Variants in BRCA1 observed in about 807,000 individuals in gnomAD.
BRCA1 encodes the protein breast cancer type 1 susceptibility protein.
In BRCA1, 140 loss-of-function variants were observed where a neutral mutation model predicts 173.7. That is an observed-to-expected ratio of 0.81 (90% confidence interval 0.70 to 0.93). BRCA1 has a LOEUF of 0.93. BRCA1 is among the 40% of genes least tolerant of loss of function. BRCA1 has a pLI of 0.00. For synonymous variants in BRCA1, 662 were observed against 756.0 expected (o/e 0.88, Z 2.04); for missense variants, 1,983 against 2,172.5 (o/e 0.91, Z 1.73).
intron 6 of BRCA1, among the ~76,000 whole-genome samples, chr17:43,100,633 T>TATAC (rs2054384444): frequency 3.8e-4 from 20 of 52,286 alleles, no homozygotes; most frequent in South Asian, 1.3e-3. Flanking sequence ...ATATATATGT[T>TATAC]ATATATATAT....
chr17:43,133,529 T>C (rs543747156), intron 1 of BRCA1, among the ~76,000 whole-genome samples: 141 of 152,296 alleles, frequency 9.3e-4, no homozygotes, highest in African/African-American at 3.3e-3. Flanking sequence ...ATGTGAACTG[T>C]CCTTGCAAAT....
intron 5 of BRCA1, 113 bp downstream of exon 5, chr17:43,104,755 A>G: frequency 1.1e-6 from 1 of 950,322 alleles, no homozygotes; most frequent in Non-Finnish European, 1.7e-6. Flanking sequence ...ACAGAACTAA[A>G]ATTAACCTAG....
chr17:43,124,934 C>A, intron 1 of BRCA1: 1 of 316,818 alleles, frequency 3.2e-6, no homozygotes, highest in East Asian at 9.0e-5. Flanking sequence ...TTAGTAGAGA[C>A]GGAGTTTCAC....
rs80357396 is a variant in BRCA1, at chr17:43,094,815, T to A, written c.716A>T (p.His239Leu). The A allele has an allele frequency of 1.2e-6, 2 of 1,613,714 alleles. No individual in the cohort carries two copies. Among genetic ancestry groups the A allele is most frequent in the Non-Finnish European group, 1.7e-6 (2 of 1,179,908 alleles). The change falls in exon 10 of 23, where the codon CAT becomes CTT. Residue 239 changes from histidine to leucine, a missense_variant. Physicochemically the swap from His to Leu is moderately conservative, Grantham distance 99. Transcript: ENST00000357654. The part of the protein sequence containing the change: ...SETDVTNTEH[H>L]QPSNNDLNTT... ...GTTCAAATCATTATTACTGGGTTGA[T>A]GATGTTCAGTATTTGTTACATCCGT...
intron 10 of BRCA1, 72 bp from the exon 11 acceptor site, chr17:43,091,104 T>C (rs2154260681): frequency 7.3e-7 from 1 of 1,364,026 alleles, no homozygotes; most frequent in Non-Finnish European, 1.0e-6. Context: ...TGTCTTTTTC[T>C]TCTCATTGGC....
At chr17:43,168,767 A>AT (rs2056287773) in intron 1 of BRCA1, among the ~76,000 whole-genome samples, 1 of 152,178 alleles carries the variant, frequency 6.6e-6, no homozygotes, top group South Asian at 2.1e-4. Context: ...TTTTTCACAT[A>AT]TTGCTTCCAA....
rs573753443 is a variant in BRCA1 at position 43,088,875 on chromosome 17, A to G, written c.4185+2069T>C. 2.4e-3 allele frequency among the ~76,000 whole-genome samples: 367 copies of G among 152,342 alleles called. 3 individuals are homozygous for G. The highest frequency in any genetic ancestry group is 8.3e-3 in the African/African-American group (344 of 41,582). On this transcript the variant is annotated intron_variant, in intron 11 of 22. Coordinates refer to ENST00000357654, the MANE Select transcript of BRCA1 (RefSeq NM_007294.4). ...ACTGCTGTGTGTGTATTCTGCATAGAACCCTGTGCTGGGAATACAAAGAAC... is the reference window on the plus strand; with the variant it reads ...ACTGCTGTGTGTGTATTCTGCATAGGACCCTGTGCTGGGAATACAAAGAAC...
At chr17:43,118,258 T>G (rs2055385652) in intron 2 of BRCA1, among the ~76,000 whole-genome samples, 1 of 152,144 alleles carries the variant, frequency 6.6e-6, no homozygotes, top group South Asian at 2.1e-4. Flanking sequence ...TAGGTCAAGG[T>G]GCTAAAATGT....
intron 2 of BRCA1, among the ~76,000 whole-genome samples, chr17:43,119,762 G>T (rs954033557): frequency 1.3e-5 from 2 of 152,100 alleles, no homozygotes; most frequent in African/African-American, 4.8e-5. Context: ...AGAAAAATTG[G>T]ATTCAGTTAT....
At position 43,045,252 on chromosome 17, in the gene BRCA1, TCTGC is replaced by T. The variant is rs1347811641; in HGVS notation, c.*422_*425del. 1 of 542,150 alleles carries T rather than the reference TCTGC, an allele frequency of 1.8e-6. No individual in the cohort carries two copies. The highest frequency in any genetic ancestry group is 3.8e-5 in the East Asian group (1 of 26,056). 33.6% of individuals were successfully genotyped at this position (542,150 alleles called of 1,614,324 possible). A position where few individuals can be genotyped will look rare whatever the true frequency, so the allele number is the denominator to read the frequency against. ...CTCCTTCCATTGAAGGGTCTGACTC[TCTGC>T]CTTTGTGAACACAGGGTTTTAGAGA... On this transcript the variant is annotated 3_prime_UTR_variant, in exon 23 of 23. Coordinates refer to ENST00000357654, the MANE Select transcript of BRCA1 (RefSeq NM_007294.4).
Position 43,046,002 on chromosome 17 carries a change from A to G in BRCA1, c.5468-200T>C, listed in dbSNP as rs148141374. On this transcript the variant is annotated intron_variant, in intron 22 of 22. Transcript: ENST00000357654. ...TGATGGCGCAATCTCGGCTCATTCA[A>G]CCTCCGCCTCCTGGGTTCAAGCAAT... is the stretch of plus-strand genomic sequence containing the variant. Among the ~76,000 whole-genome samples, 8 of 150,134 alleles carry G rather than the reference A, an allele frequency of 5.3e-5. No individual in the cohort carries two copies. In the East Asian group the frequency reaches 1.6e-3, roughly 30 times the overall value.
intron 1 of BRCA1, chr17:43,138,673 A>C: frequency 1.3e-6 from 1 of 778,926 alleles, no homozygotes; most frequent in Admixed American, 1.7e-5. Flanking sequence ...GAAGCCCAGG[A>C]AGCACACATC....
rs786202620 is a variant in BRCA1, at chr17:43,104,222, G to A, written c.341C>T (p.Ser114Phe). 6.2e-7 allele frequency: 1 copy of A among 1,612,772 alleles called. No individual in the cohort carries two copies. Among genetic ancestry groups the A allele is most frequent in the East Asian group, 2.2e-5 (1 of 44,858 alleles). Residue 114 changes from serine to phenylalanine, a missense_variant, in exon 6 of 23, where the codon TCT becomes TTT. By Grantham distance (155) the Ser-to-Phe change is radical (BLOSUM62 -2). Transcript: ENST00000357654. ...SYNFAKKENN[S>F]PEHLKDEVSI... ...AACTTCATCTTTTAGATGTTCAGGAGAGTTATTTTCCTTTTTTGCAAAATT... is the reference window on the plus strand; with the variant it reads ...AACTTCATCTTTTAGATGTTCAGGAAAGTTATTTTCCTTTTTTGCAAAATT...
chr17:43,166,391 T>A (rs1567837289), intron 1 of BRCA1: 1 of 152,224 alleles, frequency 6.6e-6, no homozygotes, highest in Non-Finnish European at 1.5e-5. Flanking sequence ...CTGGGTTCCT[T>A]GGCTTATAGG....
chr17:43,045,280 G>A lies in BRCA1; in HGVS notation c.*398C>T, dbSNP rs1317149415. The A allele has an allele frequency of 1.8e-6, 1 of 546,496 alleles. No homozygotes were observed. The highest frequency in any genetic ancestry group is 3.5e-6 in the Non-Finnish European group (1 of 285,016). The allele number at this position is 546,496 out of a possible 1,614,324, so 33.9% of individuals were successfully genotyped here. A position where few individuals can be genotyped will look rare whatever the true frequency, so the allele number is the denominator to read the frequency against. ...GCCTTTGTGAACACAGGGTTTTAGA[G>A]AAGTAAACTTAGGGAAACCAGCTAT... On this transcript the variant is annotated 3_prime_UTR_variant, in exon 23 of 23. Transcript: ENST00000357654.
intron 3 of BRCA1, among the ~76,000 whole-genome samples, chr17:43,112,209 C>T (rs1597907322): frequency 1.3e-5 from 2 of 152,020 alleles, no homozygotes; most frequent in African/African-American, 4.8e-5. Flanking sequence ...TCTGCCTCAG[C>T]CTCCTGAGTA....
At chr17:43,123,163 T>C (rs1567822510) in intron 2 of BRCA1, among the ~76,000 whole-genome samples, 1 of 151,726 alleles carries the variant, frequency 6.6e-6, no homozygotes, top group Admixed American at 6.6e-5. Context: ...CCTGACGAGG[T>C]TGAGGCTGCA....
In BRCA1 at chr17:43,044,750, G is replaced by GA; in HGVS notation, c.*927dup. 1 of 491,808 alleles carries GA rather than the reference G, an allele frequency of 2.0e-6. No homozygotes were observed. The highest frequency in any genetic ancestry group is 1.6e-5 in the South Asian group (1 of 63,902). 30.5% of individuals were successfully genotyped at this position (491,808 alleles called of 1,614,324 possible). ...CTGCTGTTTTAGAACACATTCTTTAGAAATCTAGCAAATATATCTCAGACT... is the reference window on the plus strand; with the variant it reads ...CTGCTGTTTTAGAACACATTCTTTAGAAAATCTAGCAAATATATCTCAGACT... On this transcript the variant is annotated 3_prime_UTR_variant, in exon 23 of 23. Coordinates refer to ENST00000357654, the MANE Select transcript of BRCA1 (RefSeq NM_007294.4).
At position 43,157,932 on chromosome 17, in the gene BRCA1, G is replaced by A. The variant is rs1428297734; in HGVS notation, c.-20+12194C>T. 2.0e-5 allele frequency among the ~76,000 whole-genome samples: 3 copies of A among 150,214 alleles called. No homozygotes were observed. In the East Asian group the frequency reaches 5.9e-4, roughly 30 times the overall value. ...AATCACTTGAACCCAAGAGGTGGAG[G>A]TTGTGGTGAGCCGAGATGTGCCATT... On this transcript the variant is annotated intron_variant, in intron 1 of 7. Coordinates refer to the BRCA1 transcript ENST00000634433.
Sources: gnomAD v4.1 joint callset for allele counts (sites outside exome capture counted in the v4.1 genomes callset) on GRCh38, gnomAD v4.1.1 for gene constraint, MANE v1.5 for transcripts, NCBI Gene and HGNC (gene_info 2026-07-23, HGNC 2026-07-21) for gene names.